Variants in TCF7L1 observed in about 807,000 individuals in gnomAD.
The protein encoded by TCF7L1 is transcription factor 7 like 1.
A neutral mutation model predicts 63.7 loss-of-function variants in TCF7L1; 18 were observed. That is an observed-to-expected ratio of 0.28 (90% CI 0.20 to 0.42). The LOEUF (loss-of-function observed/expected upper bound fraction) is 0.42, where lower values mean the gene tolerates loss of function less well. TCF7L1 is among the 10% of genes least tolerant of loss of function. The pLI is 1.00. For synonymous variants in TCF7L1, 355 were observed against 340.9 expected (o/e 1.04, Z -0.46); for missense variants, 654 against 779.3 (o/e 0.84, Z 1.91).
At chr2:85,164,867 T>C (rs1399094262) in intron 3 of TCF7L1, among the ~76,000 whole-genome samples, 1 of 152,230 alleles carries the variant, frequency 6.6e-6, no homozygotes, top group Non-Finnish European at 1.5e-5. Flanking sequence ...CTTGATATAC[T>C]GTTATCCTTA....
intron 3 of TCF7L1, among the ~76,000 whole-genome samples, chr2:85,169,856 T>C (rs889732019): frequency 6.6e-6 from 1 of 152,208 alleles, no homozygotes; most frequent in African/African-American, 2.4e-5. Context: ...ACAGTAGTCA[T>C]TAGCCTGGAA....
intron 3 of TCF7L1, among the ~76,000 whole-genome samples, chr2:85,174,148 C>T (rs1163519030): frequency 6.6e-6 from 1 of 152,186 alleles, no homozygotes; most frequent in Non-Finnish European, 1.5e-5. Context: ...TTAGCAGTCA[C>T]TTTGTTCTCC....
chr2:85,175,661 G>A (rs933937573), intron 3 of TCF7L1, among the ~76,000 whole-genome samples: 2 of 152,202 alleles, frequency 1.3e-5, no homozygotes, highest in African/African-American at 4.8e-5. Flanking sequence ...TTTCACTGTC[G>A]CTGTTATCTG....
rs957426457 is a variant in TCF7L1, at chr2:85,180,795, G to T, written c.441+46345G>T. Among the ~76,000 whole-genome samples the T allele has an allele frequency of 3.9e-5, 6 of 152,220 alleles. No homozygotes were observed. The South Asian group carries it at 8.3e-4, about 21-fold the overall frequency. ...AGCCCCAACACATAGGTTAGGACCTGTCACTAGTCCCATTTATAGGTAAGG... is the reference window on the plus strand; with the variant it reads ...AGCCCCAACACATAGGTTAGGACCTTTCACTAGTCCCATTTATAGGTAAGG... On this transcript the variant is annotated intron_variant, in intron 3 of 11. Transcript: ENST00000282111.
chr2:85,245,510 G>A (rs1161263755), intron 3 of TCF7L1, among the ~76,000 whole-genome samples: 1 of 152,080 alleles, frequency 6.6e-6, no homozygotes, highest in African/African-American at 2.4e-5. Flanking sequence ...TCAGAGCCAG[G>A]GGCCTCTTTA....
chr2:85,258,116 T>G (rs1280529105), intron 3 of TCF7L1, among the ~76,000 whole-genome samples: 1 of 152,208 alleles, frequency 6.6e-6, no homozygotes, highest in East Asian at 1.9e-4. Context: ...GTATTCATTA[T>G]CTGGGATAAA....
intron 3 of TCF7L1, chr2:85,262,324 T>C: frequency 1.8e-6 from 1 of 546,146 alleles, no homozygotes; most frequent in Non-Finnish European, 3.7e-6. Context: ...TGGTGGAATT[T>C]CACAAAGAGC....
At chr2:85,235,621 A>G (rs992070499) in intron 3 of TCF7L1, among the ~76,000 whole-genome samples, 1 of 152,100 alleles carries the variant, frequency 6.6e-6, no homozygotes, top group Non-Finnish European at 1.5e-5. Context: ...GAGGCAGCCA[A>G]TGTGTTATAC....
chr2:85,161,519 C>G (rs1267536660), intron 3 of TCF7L1, among the ~76,000 whole-genome samples: 1 of 152,190 alleles, frequency 6.6e-6, no homozygotes, highest in Non-Finnish European at 1.5e-5. Flanking sequence ...TCCCCTGCCT[C>G]CTGGGATGGG....
chr2:85,238,003 G>A (rs2104320261), intron 3 of TCF7L1, among the ~76,000 whole-genome samples: 1 of 152,280 alleles, frequency 6.6e-6, no homozygotes, highest in South Asian at 2.1e-4. Flanking sequence ...TCCAGGCGAA[G>A]GAGGCTTCCG....
intron 3 of TCF7L1, among the ~76,000 whole-genome samples, chr2:85,228,118 G>A (rs191760387): frequency 3.9e-5 from 6 of 152,108 alleles, no homozygotes; most frequent in Non-Finnish European, 8.8e-5. Flanking sequence ...TAGGGACTAA[G>A]GTATTATAAA....
chr2:85,277,370 G>C (rs1156483315), intron 3 of TCF7L1, among the ~76,000 whole-genome samples: 4 of 152,134 alleles, frequency 2.6e-5, no homozygotes, highest in Non-Finnish European at 5.9e-5. Context: ...AGAGCATTTT[G>C]AATAATGTTA....
intron 3 of TCF7L1, among the ~76,000 whole-genome samples, chr2:85,243,964 G>A (rs1423487466): frequency 6.6e-6 from 1 of 152,206 alleles, no homozygotes; most frequent in Non-Finnish European, 1.5e-5. Flanking sequence ...ATCCCGGCCT[G>A]CCAGGGAGGG....
chr2:85,229,833 C>A (rs1680034495), intron 3 of TCF7L1, among the ~76,000 whole-genome samples: 1 of 152,082 alleles, frequency 6.6e-6, no homozygotes, highest in Admixed American at 6.5e-5. Flanking sequence ...CATGGGAAAA[C>A]CTGTCTCTAC....
At chr2:85,240,872 A>T (rs139312796) in intron 3 of TCF7L1, among the ~76,000 whole-genome samples, 19 of 152,208 alleles carry the variant, frequency 1.2e-4, no homozygotes, top group African/African-American at 4.6e-4. Flanking sequence ...TGAAATTTGA[A>T]AAAATAGTCT....
intron 3 of TCF7L1, among the ~76,000 whole-genome samples, chr2:85,135,475 G>A (rs1677571364): frequency 6.6e-6 from 1 of 152,222 alleles, no homozygotes; most frequent in Non-Finnish European, 1.5e-5. Flanking sequence ...TCGACGGTGG[G>A]TAAGGGGGCA....
At chr2:85,174,648 G>C (rs1471249313) in intron 3 of TCF7L1, among the ~76,000 whole-genome samples, 1 of 152,178 alleles carries the variant, frequency 6.6e-6, no homozygotes. Flanking sequence ...TGACTGGTGA[G>C]TCAAGTCTGA....
chr2:85,275,201 A>C (rs1442060049), intron 3 of TCF7L1, among the ~76,000 whole-genome samples: 3 of 152,216 alleles, frequency 2.0e-5, no homozygotes, highest in Non-Finnish European at 2.9e-5. Context: ...AGGCTGATGA[A>C]GTAAAATATT....
chr2:85,147,097 C>T (rs761765890), intron 3 of TCF7L1, among the ~76,000 whole-genome samples: 23 of 152,112 alleles, frequency 1.5e-4, no homozygotes, highest in Non-Finnish European at 2.6e-4. Context: ...ATTCACCCAA[C>T]TTCTCTGTAT....
Sources: allele counts gnomAD v4.1 joint callset (sites outside exome capture counted in the v4.1 genomes callset), GRCh38; gene constraint gnomAD v4.1.1; transcripts MANE v1.5; gene names NCBI Gene and HGNC (gene_info 2026-07-23, HGNC 2026-07-21).